The following NELL2 variants were observed in gnomAD, a reference collection of about 807,000 sequenced individuals.
The protein encoded by NELL2 is protein kinase C-binding protein NELL2.
NELL2 carries 41 observed loss-of-function variants against 109.6 expected under a neutral mutation model. The observed-to-expected ratio is 0.37, with a 90% CI of 0.29 to 0.49. The LOEUF is 0.49. Among genes scored for constraint, NELL2 ranks in the 20% least tolerant of loss-of-function variants. The pLI, the probability that NELL2 is intolerant of heterozygous loss-of-function variation, is 0.98. For synonymous variants in NELL2, 355 were observed against 344.7 expected (o/e 1.03, Z -0.33); for missense variants, 900 against 1,008.3 (o/e 0.89, Z 1.45).
rs942844241 is a variant in NELL2, at chr12:44,838,620, G to C, written c.185-22484C>G. 1.5e-4 allele frequency among the ~76,000 whole-genome samples: 23 copies of C among 151,738 alleles called. 1 individual carries two copies. The highest frequency in any genetic ancestry group is 5.3e-4 in the African/African-American group (22 of 41,322). ...AGTGCTTGAAACATAATAAATGCTG[G>C]ATTAACATATCTCTCACACATGTAT... On this transcript the variant is annotated intron_variant, in intron 2 of 19. Coordinates refer to ENST00000429094, the MANE Select transcript of NELL2 (RefSeq NM_001145108.2).
Position 44,533,593 on chromosome 12 carries a change from A to G in NELL2, c.1664-872T>C, listed in dbSNP as rs377134858. ...ATCTACTATACAAAGACAGCTATGG[A>G]TCTTAAGTCTCAGATATTTCCTCCA... On this transcript the variant is annotated intron_variant, in intron 15 of 19. Transcript: ENST00000429094. 1.2e-4 allele frequency among the ~76,000 whole-genome samples: 19 copies of G among 152,222 alleles called. 1 individual carries two copies. The South Asian group carries it at 3.9e-3, about 32-fold the overall frequency.
At chr12:44,777,220 G>A (rs772477728) in intron 6 of NELL2, 22 bp downstream of exon 6, 1 of 1,611,028 alleles carries the variant, frequency 6.2e-7, no homozygotes, top group South Asian at 1.1e-5. Flanking sequence ...GGACTCCACA[G>A]TGCAAGAACT....
At chr12:44,640,042 A>G (rs940900772) in intron 13 of NELL2, among the ~76,000 whole-genome samples, 1 of 152,110 alleles carries the variant, frequency 6.6e-6, no homozygotes, top group African/African-American at 2.4e-5. Context: ...TGTATATCTA[A>G]TTTTCAAATA....
chr12:44,653,800 G>C (rs1188853479), intron 13 of NELL2, among the ~76,000 whole-genome samples: 1 of 152,136 alleles, frequency 6.6e-6, no homozygotes, highest in Non-Finnish European at 1.5e-5. Context: ...ACAAAATAAA[G>C]CGTTAACACT....
At chr12:44,631,240 T>C (rs1156716911) in intron 13 of NELL2, among the ~76,000 whole-genome samples, 1 of 147,484 alleles carries the variant, frequency 6.8e-6, no homozygotes, top group Admixed American at 6.8e-5. Context: ...ATATAAATAA[T>C]ATATATAAAT....
chr12:44,753,039 T>C (rs182377609), intron 9 of NELL2, among the ~76,000 whole-genome samples: 45 of 152,250 alleles, frequency 3.0e-4, no homozygotes, highest in Admixed American at 2.3e-3. Flanking sequence ...CTGAACTTTA[T>C]GCAGTTCATT....
intron 3 of NELL2, among the ~76,000 whole-genome samples, chr12:44,797,129 GAGTT>G (rs1291378144): frequency 1.3e-5 from 2 of 152,224 alleles, no homozygotes; most frequent in South Asian, 2.1e-4. Flanking sequence ...GTAGCCAAAA[GAGTT>G]AGGGAGTTAA....
At chr12:44,588,905 G>A (rs1944642797) in intron 15 of NELL2, among the ~76,000 whole-genome samples, 1 of 152,028 alleles carries the variant, frequency 6.6e-6, no homozygotes, top group African/African-American at 2.4e-5. Flanking sequence ...TCGACTTTCT[G>A]TCTATAATTT....
chr12:44,801,578 A>G (rs1469401245), intron 3 of NELL2, among the ~76,000 whole-genome samples: 22 of 152,152 alleles, frequency 1.4e-4, no homozygotes. Flanking sequence ...TTATTGTAAC[A>G]TCGGACATGA....
At chr12:44,673,913 A>G (rs1245956231) in intron 12 of NELL2, among the ~76,000 whole-genome samples, 1 of 152,164 alleles carries the variant, frequency 6.6e-6, no homozygotes, top group Non-Finnish European at 1.5e-5. Flanking sequence ...TACATAAGCT[A>G]ATTATGAGCT....
intron 15 of NELL2, among the ~76,000 whole-genome samples, chr12:44,596,953 T>A (rs1465657117): frequency 6.6e-6 from 1 of 152,154 alleles, no homozygotes; most frequent in Non-Finnish European, 1.5e-5. Context: ...CAGCTACTGT[T>A]CCAAACAACT....
In NELL2 at chr12:44,726,040, A is replaced by G. The variant is rs150370185; in HGVS notation, c.995-11299T>C. On this transcript the variant is annotated intron_variant, in intron 9 of 19. Transcript: ENST00000429094. Reference sequence around the variant, plus strand: ...CATCCCATTATGCATAACAATAAATACACTGAGAAATATTATTAAAACTTT... The same window carrying G: ...CATCCCATTATGCATAACAATAAATGCACTGAGAAATATTATTAAAACTTT... 2.2e-4 allele frequency among the ~76,000 whole-genome samples: 33 copies of G among 152,284 alleles called. No homozygotes were observed. In the East Asian group the frequency reaches 6.4e-3, roughly 29 times the overall value.
chr12:44,898,505 G>A (rs1426910120), intron 1 of NELL2, among the ~76,000 whole-genome samples: 3 of 152,170 alleles, frequency 2.0e-5, no homozygotes, highest in Non-Finnish European at 4.4e-5. Flanking sequence ...CAGACCTGCA[G>A]AAGAGGGTCC....
intron 9 of NELL2, among the ~76,000 whole-genome samples, chr12:44,758,874 C>T (rs1445280034): frequency 6.6e-6 from 1 of 152,148 alleles, no homozygotes; most frequent in Non-Finnish European, 1.5e-5. Flanking sequence ...GGTACTATAT[C>T]ATATTTCTAT....
chr12:44,768,346 G>A (rs1941415872), intron 9 of NELL2, among the ~76,000 whole-genome samples: 1 of 151,708 alleles, frequency 6.6e-6, no homozygotes. Flanking sequence ...ATTAATGACA[G>A]TACAGTATTT....
intron 15 of NELL2, among the ~76,000 whole-genome samples, chr12:44,535,910 A>T (rs998166277): frequency 2.0e-5 from 3 of 151,896 alleles, no homozygotes; most frequent in African/African-American, 7.2e-5. Context: ...ATTTATCTAA[A>T]ATACGTCTGA....
At chr12:44,555,966 C>T (rs538369927) in intron 15 of NELL2, among the ~76,000 whole-genome samples, 70 of 152,286 alleles carry the variant, frequency 4.6e-4, no homozygotes, top group Non-Finnish European at 8.1e-4. Flanking sequence ...ACCCAAGGTG[C>T]ATGCTGCCTT....
intron 11 of NELL2, among the ~76,000 whole-genome samples, chr12:44,705,697 T>C (rs549341199): frequency 1.2e-4 from 19 of 152,088 alleles, no homozygotes; most frequent in Non-Finnish European, 2.5e-4. Flanking sequence ...TAAAAAGGCT[T>C]CAAAAACCAC....
chr12:44,633,351 T>C (rs1946523514), intron 13 of NELL2, among the ~76,000 whole-genome samples: 2 of 152,120 alleles, frequency 1.3e-5, no homozygotes, highest in South Asian at 4.1e-4. Context: ...CATGCTGTTT[T>C]ACTTTGTGAT....
Sources: allele counts gnomAD v4.1 joint callset (sites outside exome capture counted in the v4.1 genomes callset), GRCh38; gene constraint gnomAD v4.1.1; transcripts MANE v1.5; gene names NCBI Gene and HGNC (gene_info 2026-07-23, HGNC 2026-07-21).